The following LHFPL6 variants were observed in gnomAD, a reference collection of about 807,000 sequenced individuals.
LHFPL6 encodes LHFPL tetraspan subfamily member 6.
In LHFPL6, 9 loss-of-function variants were observed where a neutral mutation model predicts 20.6. The ratio of observed to expected loss-of-function variants is 0.44; its 90% CI spans 0.26 to 0.76. LHFPL6 has a LOEUF of 0.76. LHFPL6 is among the 30% of genes least tolerant of loss of function. The probability of loss-of-function intolerance (pLI) is 0.20; values close to 1 mark genes in which losing one functional copy is unlikely to be tolerated. For synonymous variants in LHFPL6, 105 were observed against 98.7 expected, an observed-to-expected ratio of 1.06 and a Z score of -0.38; for missense variants, 218 against 253.5, an observed-to-expected ratio of 0.86 and a Z score of 0.95.
chr13:39,522,305 G>C (rs1054121102), intron 2 of LHFPL6, among the ~76,000 whole-genome samples: 2 of 152,170 alleles, frequency 1.3e-5, no homozygotes, highest in Non-Finnish European at 2.9e-5. Context: ...AATTACCTAA[G>C]GTACCTAAGA....
chr13:39,554,988 G>GA (rs1255268763), intron 2 of LHFPL6, among the ~76,000 whole-genome samples: 3 of 152,162 alleles, frequency 2.0e-5, no homozygotes, highest in Non-Finnish European at 4.4e-5. Flanking sequence ...GAACTCTTCA[G>GA]AAAAAATTTT....
chr13:39,542,833 A>G (rs1330355459), intron 2 of LHFPL6, among the ~76,000 whole-genome samples: 2 of 152,192 alleles, frequency 1.3e-5, no homozygotes, highest in Non-Finnish European at 2.9e-5. Flanking sequence ...CGTGTCTCCA[A>G]GTTTTTGTGT....
Position 39,393,376 on chromosome 13 carries a change from G to C in LHFPL6, c.386-14850C>G, listed in dbSNP as rs1338608068. Among the ~76,000 whole-genome samples the C allele has an allele frequency of 5.9e-5, 9 of 152,236 alleles. No homozygotes were observed. In the East Asian group the frequency reaches 1.7e-3, roughly 29 times the overall value. On this transcript the variant is annotated intron_variant, in intron 2 of 3. Transcript: ENST00000379589. ...AATGCAGAAACAACCCAAAGACAAG[G>C]CTATATTTGTGTCATGTTAGCAGCA...
intron 2 of LHFPL6, among the ~76,000 whole-genome samples, chr13:39,488,267 A>G (rs1257287748): frequency 1.3e-5 from 2 of 152,172 alleles, no homozygotes; most frequent in Admixed American, 6.5e-5. Flanking sequence ...TCAGAAGTAA[A>G]TGTTTGTTGT....
At chr13:39,529,049 C>T (rs1337520227) in intron 2 of LHFPL6, among the ~76,000 whole-genome samples, 1 of 151,644 alleles carries the variant, frequency 6.6e-6, no homozygotes, top group African/African-American at 2.4e-5. Flanking sequence ...ATACCACTGC[C>T]AAAAAATAAT....
chr13:39,542,403 C>A (rs1260514114), intron 2 of LHFPL6, among the ~76,000 whole-genome samples: 1 of 152,212 alleles, frequency 6.6e-6, no homozygotes, highest in African/African-American at 2.4e-5. Flanking sequence ...ACAATGCCAG[C>A]TTCACCATTT....
intron 2 of LHFPL6, among the ~76,000 whole-genome samples, chr13:39,417,342 C>T (rs928591870): frequency 6.6e-6 from 1 of 152,236 alleles, no homozygotes; most frequent in African/African-American, 2.4e-5. Context: ...ACACCAGCTG[C>T]ATAATATTAA....
intron 2 of LHFPL6, among the ~76,000 whole-genome samples, chr13:39,567,449 C>A (rs1871760888): frequency 6.6e-6 from 1 of 152,160 alleles, no homozygotes; most frequent in Non-Finnish European, 1.5e-5. Flanking sequence ...TTGAAATTAT[C>A]AAGGAAGTTA....
intron 2 of LHFPL6, among the ~76,000 whole-genome samples, chr13:39,521,858 G>A (rs1235813812): frequency 6.6e-6 from 1 of 151,720 alleles, no homozygotes; most frequent in African/African-American, 2.4e-5. Context: ...AAAGGCAGAA[G>A]GGAGCAAAAA....
chr13:39,513,884 A>G (rs895833700), intron 2 of LHFPL6, among the ~76,000 whole-genome samples: 1 of 152,124 alleles, frequency 6.6e-6, no homozygotes, highest in Non-Finnish European at 1.5e-5. Flanking sequence ...TGGATATTTT[A>G]TGAGATAAAT....
chr13:39,359,664 C>T (rs1869826605), intron 3 of LHFPL6, among the ~76,000 whole-genome samples: 1 of 152,064 alleles, frequency 6.6e-6, no homozygotes, highest in Admixed American at 6.5e-5. Flanking sequence ...GAAAATCTAC[C>T]TATTGGGTGC....
At chr13:39,562,238 G>C (rs1359865925) in intron 2 of LHFPL6, among the ~76,000 whole-genome samples, 2 of 151,716 alleles carry the variant, frequency 1.3e-5, no homozygotes, top group East Asian at 1.9e-4. Flanking sequence ...AACATGGAGA[G>C]GAAAATGAAT....
intron 3 of LHFPL6, among the ~76,000 whole-genome samples, chr13:39,362,470 C>T (rs542548565): frequency 3.3e-5 from 5 of 152,274 alleles, no homozygotes; most frequent in South Asian, 4.2e-4. Context: ...AGTGTGAGAA[C>T]GGACTAATAC....
At chr13:39,425,721 T>C (rs1206303257) in intron 2 of LHFPL6, among the ~76,000 whole-genome samples, 2 of 152,236 alleles carry the variant, frequency 1.3e-5, no homozygotes, top group Non-Finnish European at 2.9e-5. Flanking sequence ...TAATGGATTA[T>C]TTTATTATGA....
intron 3 of LHFPL6, among the ~76,000 whole-genome samples, chr13:39,352,257 C>A (rs1869587974): frequency 1.3e-5 from 2 of 152,178 alleles, no homozygotes; most frequent in Admixed American, 6.5e-5. Flanking sequence ...GTTTTTGACC[C>A]TACCTTGACT....
At chr13:39,561,902 A>G (rs781174983) in intron 2 of LHFPL6, among the ~76,000 whole-genome samples, 15 of 152,204 alleles carry the variant, frequency 9.9e-5, no homozygotes, top group Non-Finnish European at 1.8e-4. Context: ...TATTATCTCT[A>G]TGTAATAGAT....
chr13:39,448,813 G>C (rs1872363014), intron 2 of LHFPL6, among the ~76,000 whole-genome samples: 1 of 152,164 alleles, frequency 6.6e-6, no homozygotes, highest in Non-Finnish European at 1.5e-5. Flanking sequence ...AGACTATAAT[G>C]AATTACTTAA....
intron 2 of LHFPL6, among the ~76,000 whole-genome samples, chr13:39,565,888 G>A (rs1012516580): frequency 2.0e-5 from 3 of 152,182 alleles, no homozygotes; most frequent in South Asian, 2.1e-4. Flanking sequence ...ACCAGTTCAC[G>A]GGAGTCACAT....
At chr13:39,409,314 C>T (rs928109220) in intron 2 of LHFPL6, among the ~76,000 whole-genome samples, 19 of 151,936 alleles carry the variant, frequency 1.3e-4, no homozygotes, top group African/African-American at 2.9e-4. Flanking sequence ...ATTAGCCGGG[C>T]GTGGTGATGC....
Sources: gnomAD v4.1 joint callset for allele counts (sites outside exome capture counted in the v4.1 genomes callset) on GRCh38, gnomAD v4.1.1 for gene constraint, MANE v1.5 for transcripts, NCBI Gene and HGNC (gene_info 2026-07-23, HGNC 2026-07-21) for gene names.